ATRNL1: variants seen among roughly 807,000 people sequenced by gnomAD.
ATRNL1 encodes attractin-like protein 1.
Under a neutral mutation model 182.7 loss-of-function variants are expected in ATRNL1, and 95 were observed. The ratio of observed to expected loss-of-function variants is 0.52; its 90% confidence interval spans 0.44 to 0.62. ATRNL1 has a LOEUF of 0.62. Ranked by LOEUF, ATRNL1 falls within the 20% of genes least tolerant of loss-of-function variation. ATRNL1 has a pLI of 0.00. For missense variants in ATRNL1, 1,471 were observed against 1,679.5 expected (o/e 0.88, Z 2.17); for synonymous variants, 576 against 568.3 (o/e 1.01, Z -0.19).
chr10:115,755,497 C>A (rs1478578253), intron 27 of ATRNL1, among the ~76,000 whole-genome samples: 1 of 152,146 alleles, frequency 6.6e-6, no homozygotes, highest in Non-Finnish European at 1.5e-5. Flanking sequence ...GTTGAACTAG[C>A]CTTGCATCCC....
intron 10 of ATRNL1, among the ~76,000 whole-genome samples, chr10:115,244,282 T>C (rs1850538530): frequency 6.6e-6 from 1 of 152,162 alleles, no homozygotes; most frequent in South Asian, 2.1e-4. Context: ...ATTTGAACAT[T>C]ACTCTCACAG....
At position 115,253,413 on chromosome 10, in the gene ATRNL1, A is replaced by G. The variant is rs140732070; in HGVS notation, c.1687+11688A>G. Among the ~76,000 whole-genome samples the G allele has an allele frequency of 2.6e-3, 401 of 152,242 alleles. 7 individuals are homozygous for G. The East Asian group carries it at 0.04, about 15-fold the overall frequency. On this transcript the variant is annotated intron_variant, in intron 10 of 28. Transcript: ENST00000355044. ...GTGTTCCTCAGGCAGTTTGTGAGGT[A>G]GCTTGCAACTGACTCTTCACTGACA...
intron 24 of ATRNL1, among the ~76,000 whole-genome samples, chr10:115,491,087 C>T (rs1441863694): frequency 6.6e-6 from 1 of 152,174 alleles, no homozygotes; most frequent in Admixed American, 6.5e-5. Context: ...AGATTGCTGC[C>T]TGTTCCTTTC....
At chr10:115,351,744 G>T (rs371990154) in intron 19 of ATRNL1, among the ~76,000 whole-genome samples, 90 of 147,012 alleles carry the variant, frequency 6.1e-4, no homozygotes, top group African/African-American at 2.0e-3. Flanking sequence ...CTTTTCTTGT[G>T]TTTTGTTTTG....
chr10:115,317,702 T>C (rs115544174), intron 18 of ATRNL1, among the ~76,000 whole-genome samples: 1 of 152,244 alleles, frequency 6.6e-6, no homozygotes, highest in African/African-American at 2.4e-5. Flanking sequence ...TCCTTGTGTA[T>C]TGTTGGTGTA....
chr10:115,405,734 C>G (rs1844793444), intron 20 of ATRNL1, among the ~76,000 whole-genome samples: 1 of 151,648 alleles, frequency 6.6e-6, no homozygotes, highest in African/African-American at 2.4e-5. Context: ...GGTATACGTG[C>G]ACAACGTGCA....
intron 26 of ATRNL1, among the ~76,000 whole-genome samples, chr10:115,640,406 A>C (rs1859163154): frequency 6.6e-6 from 1 of 152,156 alleles, no homozygotes; most frequent in African/African-American, 2.4e-5. Flanking sequence ...GTGTAAAAGC[A>C]TTCCAGTTTC....
At chr10:115,791,093 T>A (rs900329137) in intron 27 of ATRNL1, among the ~76,000 whole-genome samples, 5 of 152,166 alleles carry the variant, frequency 3.3e-5, no homozygotes, top group Admixed American at 3.3e-4. Context: ...CTTTTTAATA[T>A]CCTTCTCTTT....
At chr10:115,726,449 G>C (rs1197898818) in intron 26 of ATRNL1, among the ~76,000 whole-genome samples, 2 of 152,122 alleles carry the variant, frequency 1.3e-5, no homozygotes, top group African/African-American at 4.8e-5. Context: ...GCAATATCTA[G>C]TGCTGGTCAT....
chr10:115,177,064 G>A (rs1554886867), intron 8 of ATRNL1, among the ~76,000 whole-genome samples: 1 of 152,104 alleles, frequency 6.6e-6, no homozygotes, highest in African/African-American at 2.4e-5. Context: ...ATAAGAGGTA[G>A]GGGAGAAAAG....
intron 5 of ATRNL1, among the ~76,000 whole-genome samples, chr10:115,153,282 A>G (rs1192727961): frequency 6.6e-6 from 1 of 152,174 alleles, no homozygotes; most frequent in Non-Finnish European, 1.5e-5. Flanking sequence ...GAATAGTTTC[A>G]GAAGGAATGG....
chr10:115,132,783 A>G (rs1319901543), intron 5 of ATRNL1, among the ~76,000 whole-genome samples: 1 of 151,724 alleles, frequency 6.6e-6, no homozygotes, highest in Non-Finnish European at 1.5e-5. Context: ...GGGTTGTTTG[A>G]TTTTTTCCTG....
At chr10:115,620,782 G>A (rs578016944) in intron 26 of ATRNL1, among the ~76,000 whole-genome samples, 13 of 152,232 alleles carry the variant, frequency 8.5e-5, no homozygotes, top group African/African-American at 2.4e-4. Flanking sequence ...AACATACTAC[G>A]TGTGTAAACA....
intron 24 of ATRNL1, 152 bp from the exon 25 acceptor site, chr10:115,519,111 T>C: frequency 1.5e-6 from 1 of 665,638 alleles, no homozygotes; most frequent in South Asian, 1.9e-5. Context: ...GTATTCTAGA[T>C]GAAATTTTCA....
Position 115,646,473 on chromosome 10 carries a change from AAG to A in ATRNL1, c.3796-80771_3796-80770del, listed in dbSNP as rs200588465. Among the ~76,000 whole-genome samples the A allele has an allele frequency of 4.4e-3, 672 of 152,244 alleles. 7 individuals are homozygous for A. The highest frequency in any genetic ancestry group is 0.015 in the African/African-American group (630 of 41,546). On this transcript the variant is annotated intron_variant, in intron 26 of 28. Transcript: ENST00000355044. ...AGACTCTACAGCTAGCAGAATGTTA[AAG>A]AGACAGTGGAGAAGGCATCTGGTTC...
intron 27 of ATRNL1, among the ~76,000 whole-genome samples, chr10:115,833,220 C>T (rs979416): frequency 0.47 from 71,758 of 151,964 alleles, 18,526 homozygotes; most frequent in East Asian, 0.76. Context: ...TGAGTTTACT[C>T]GTTGCAAAAA....
At chr10:115,515,063 T>C (rs1329874350) in intron 24 of ATRNL1, among the ~76,000 whole-genome samples, 1 of 151,930 alleles carries the variant, frequency 6.6e-6, no homozygotes, top group Non-Finnish European at 1.5e-5. Context: ...TTCCTCAGGA[T>C]CCCTTCAACT....
intron 8 of ATRNL1, among the ~76,000 whole-genome samples, chr10:115,177,924 G>T (rs186878030): frequency 0.064 from 5,112 of 80,216 alleles, 5 homozygotes; most frequent in South Asian, 0.079. Flanking sequence ...TTTTTTTTTT[G>T]TTTTTTTTTT....
chr10:115,650,783 G>A (rs1859940967), intron 26 of ATRNL1, among the ~76,000 whole-genome samples: 1 of 152,018 alleles, frequency 6.6e-6, no homozygotes, highest in Non-Finnish European at 1.5e-5. Context: ...CTTATGGAGT[G>A]TTGTGTTGTT....
Sources: allele counts gnomAD v4.1 joint callset (sites outside exome capture counted in the v4.1 genomes callset), GRCh38; gene constraint gnomAD v4.1.1; transcripts MANE v1.5; gene names NCBI Gene and HGNC (gene_info 2026-07-23, HGNC 2026-07-21).